Variants in SERPINB1 observed in about 807,000 individuals in gnomAD.
SERPINB1 encodes the protein leukocyte elastase inhibitor.
Under a neutral mutation model 25.9 loss-of-function variants are expected in SERPINB1, and 23 were observed. The ratio of observed to expected loss-of-function variants is 0.89; its 90% CI spans 0.64 to 1.26. The LOEUF is 1.26. Among genes scored for constraint, SERPINB1 ranks in the 50% most tolerant of loss-of-function variants. The pLI is 0.00. For missense variants in SERPINB1, 399 were observed against 463.6 expected (o/e 0.86, Z 1.28); for synonymous variants, 178 against 178.7 (o/e 1.00, Z 0.03).
chr6:2,838,665 C>G lies in SERPINB1; in HGVS notation c.190G>C (p.Glu64Gln), dbSNP rs1766565025. 1 of 1,593,286 alleles carries G rather than the reference C, an allele frequency of 6.3e-7. No individual in the cohort carries two copies. The highest frequency in any genetic ancestry group is 8.5e-7 in the Non-Finnish European group (1 of 1,170,564). ...LSKTFHFNTV[E>Q]EVHSRFQSLN... ...CTCTGGAATCTTGAATGAACCTCTT[C>G]AACCGTGTTGAAATGGAAAGTCTAA... Residue 64 changes from glutamate (E) to glutamine (Q), a missense_variant, in exon 3 of 7, where the codon GAA becomes CAA. Coordinates refer to ENST00000380739, the MANE Select transcript of SERPINB1 (RefSeq NM_030666.4).
chr6:2,837,758 G>A lies in SERPINB1; in HGVS notation c.424+124C>T. On this transcript the variant is annotated intron_variant, in intron 4 of 6. Transcript: ENST00000380739. The surrounding 1 kb of genome is among the most constrained non-coding windows in gnomAD (Gnocchi z 4.3). ...CACGCACCGGCAGCGTCCTCTGACTGTAACCACGATGTGCGCCAGGACTGT... is the reference window on the plus strand; with the variant it reads ...CACGCACCGGCAGCGTCCTCTGACTATAACCACGATGTGCGCCAGGACTGT... 1.3e-6 allele frequency: 1 copy of A among 757,012 alleles called. No homozygotes were observed. Among genetic ancestry groups the A allele is most frequent in the Non-Finnish European group, 2.3e-6 (1 of 432,310 alleles). The allele number at this position is 757,012 out of a possible 1,614,324, so 46.9% of individuals were successfully genotyped here. A position where few individuals can be genotyped will look rare whatever the true frequency, so the allele number is the denominator to read the frequency against.
rs769348676 is a variant in SERPINB1, at chr6:2,836,139, G to A, written c.536C>T (p.Ala179Val). 6.8e-6 allele frequency: 11 copies of A among 1,613,728 alleles called. No homozygotes were observed. The highest frequency in any genetic ancestry group is 1.1e-5 in the South Asian group (1 of 91,032). ...CAATCTGAATGGTGCATTCGTCGTG[G>A]CTTCTTTCATGAATTTATCCTTCCA... is the stretch of plus-strand genomic sequence containing the variant. ...GNWKDKFMKEATTNAPFRLNK... is the reference protein window; with the variant it reads ...GNWKDKFMKEVTTNAPFRLNK... Residue 179 changes from alanine to valine, a missense_variant, in exon 5 of 7, where the codon GCC (alanine) becomes GTC (valine). By Grantham distance (64) the Ala-to-Val change is moderately conservative. Coordinates refer to ENST00000380739, the MANE Select transcript of SERPINB1 (RefSeq NM_030666.4).
chr6:2,834,061 A>G (rs749124451), intron 6 of SERPINB1, 49 bp from the exon 7 acceptor site: 2 of 1,494,620 alleles, frequency 1.3e-6, no homozygotes, highest in Non-Finnish European at 1.8e-6. Context: ...ATTTTACATA[A>G]GTAAGGCAAT....
chr6:2,833,433 C>A lies in SERPINB1; in HGVS notation c.*175G>T. ...CAATGTAAAAAAGAAAAATAGATAC[C>A]CATGCCAAAATTCATGGGTGTAAAC... On this transcript the variant is annotated 3_prime_UTR_variant, in exon 7 of 7. Transcript: ENST00000380739. 2 of 542,160 alleles carry A rather than the reference C, an allele frequency of 3.7e-6. No individual in the cohort carries two copies. The highest frequency in any genetic ancestry group is 7.5e-5 in the South Asian group (2 of 26,516). The allele number at this position is 542,160 out of a possible 1,614,324, so 33.6% of individuals were successfully genotyped here. A position where few individuals can be genotyped will look rare whatever the true frequency, so the allele number is the denominator to read the frequency against.
At chr6:2,834,334 T>C (rs1581163407) in intron 6 of SERPINB1, among the ~76,000 whole-genome samples, 1 of 147,452 alleles carries the variant, frequency 6.8e-6, no homozygotes, top group Middle Eastern at 3.4e-3. Flanking sequence ...CATCCATCCA[T>C]CCACCCAGCT....
Position 2,836,103 on chromosome 6 carries a change from C to T in SERPINB1, c.567+5G>A, listed in dbSNP as rs1287775921. On this transcript the variant is annotated splice_donor_5th_base_variant and intron_variant, in intron 5 of 6. Coordinates refer to ENST00000380739, the MANE Select transcript of SERPINB1 (RefSeq NM_030666.4). ...GCATGACTCTGTACAGTTACCTCAC[C>T]TCACCTTATTCAATCTGAATGGTGC... 1.2e-6 allele frequency: 2 copies of T among 1,613,804 alleles called. No homozygotes were observed. Among genetic ancestry groups the T allele is most frequent in the Non-Finnish European group, 1.7e-6 (2 of 1,179,954 alleles).
rs79941363 is a variant in SERPINB1, at chr6:2,836,251, C to A, written c.425-1G>T. 6.3e-7 allele frequency: 1 copy of A among 1,578,694 alleles called. No homozygotes were observed. The highest frequency in any genetic ancestry group is 8.6e-7 in the Non-Finnish European group (1 of 1,167,582). Reference sequence around the variant, plus strand: ...GAAGCCAACAGTTCCGGAATTTTTCCTAAAAAAAAATCAAGTTAGCGTAAA... The same window carrying A: ...GAAGCCAACAGTTCCGGAATTTTTCATAAAAAAAAATCAAGTTAGCGTAAA... On this transcript the variant is annotated splice_acceptor_variant, in intron 4 of 6. Transcript: ENST00000380739. LOFTEE classifies it high-confidence loss of function.
In SERPINB1 at chr6:2,835,993, G is replaced by T; in HGVS notation, c.598C>A (p.Gln200Lys). The part of the protein sequence containing the change: ...KDRKTVKMMY[Q>K]KKKFAYGYIE... ...TAGCCATATGCAAATTTTTTCTTCT[G>T]ATACATCATTTTCACAGTTTTTCTG... is the stretch of plus-strand genomic sequence containing the variant. Residue 200 changes from glutamine to lysine, a missense_variant, in exon 6 of 7, where the codon CAG becomes AAG. Transcript: ENST00000380739. 6.2e-7 allele frequency: 1 copy of T among 1,614,004 alleles called. No individual in the cohort carries two copies. Among genetic ancestry groups the T allele is most frequent in the South Asian group, 1.1e-5 (1 of 91,070 alleles).
intron 2 of SERPINB1, chr6:2,839,262 A>G: frequency 1.0e-6 from 1 of 959,422 alleles, no homozygotes. Context: ...GTTTTATGAG[A>G]CCTAGGCTGG....
chr6:2,837,698 T>C lies in SERPINB1; in HGVS notation c.424+184A>G, dbSNP rs1039360633. On this transcript the variant is annotated intron_variant, in intron 4 of 6. Coordinates refer to ENST00000380739, the MANE Select transcript of SERPINB1 (RefSeq NM_030666.4). This position sits in a 1 kb window ranked among gnomAD's most constrained non-coding sequence, Gnocchi z 4.3. Reference sequence around the variant, plus strand: ...TTTCCACTCTGGTGAACTTCGAACATGTGAGAGCTGTCCAGCAACGTGCAG... The same window carrying C: ...TTTCCACTCTGGTGAACTTCGAACACGTGAGAGCTGTCCAGCAACGTGCAG... 6.6e-6 allele frequency among the ~76,000 whole-genome samples: 1 copy of C among 152,332 alleles called. No individual in the cohort carries two copies. Among genetic ancestry groups the C allele is most frequent in the East Asian group, 1.9e-4 (1 of 5,190 alleles).
intron 2 of SERPINB1, among the ~76,000 whole-genome samples, chr6:2,839,744 G>A (rs1301397779): frequency 6.6e-6 from 1 of 152,176 alleles, no homozygotes; most frequent in Admixed American, 6.5e-5. Context: ...AAGCACAGAA[G>A]TCCTCTCCAT....
intron 4 of SERPINB1, 140 bp from the exon 5 acceptor site, chr6:2,836,390 G>T: frequency 2.1e-6 from 2 of 947,228 alleles, no homozygotes; most frequent in South Asian, 1.8e-5. Flanking sequence ...ACTTAGGAAA[G>T]CCCTACTCAC....
rs753166323 is a variant in SERPINB1 at position 2,835,911 on chromosome 6, C to T, written c.680G>A (p.Ser227Asn). 4 of 1,614,096 alleles carry T rather than the reference C, an allele frequency of 2.5e-6. No homozygotes were observed. In the African/African-American group the frequency reaches 5.3e-5, roughly 22 times the overall value. Reference sequence around the variant, plus strand: ...GTCATCCGGCAGCAGGATGACCATGCTGAGCTCCTCGCCTTGGTAAGGCAG... The same window carrying T: ...GTCATCCGGCAGCAGGATGACCATGTTGAGCTCCTCGCCTTGGTAAGGCAG... ...LELPYQGEELSMVILLPDDIE... is the reference protein window; with the variant it reads ...LELPYQGEELNMVILLPDDIE... The change falls in exon 6 of 7, where the codon AGC becomes AAC. Residue 227 changes from serine (S) to asparagine (N), a missense_variant. Ser to Asn is a conservative substitution (Grantham distance 46). Coordinates refer to ENST00000380739, the MANE Select transcript of SERPINB1 (RefSeq NM_030666.4).
chr6:2,832,544 T>C lies in SERPINB1; in HGVS notation c.*1064A>G, dbSNP rs147662517. 7,072 of 152,380 alleles carry C rather than the reference T, an allele frequency of 0.046. 219 individuals carry two copies. The highest frequency in any genetic ancestry group is 0.074 in the Non-Finnish European group (5,033 of 68,138). 9.4% of individuals were successfully genotyped at this position (152,380 alleles called of 1,614,324 possible). On this transcript the variant is annotated 3_prime_UTR_variant, in exon 7 of 7. Coordinates refer to ENST00000380739, the MANE Select transcript of SERPINB1 (RefSeq NM_030666.4). Reference sequence around the variant, plus strand: ...TGAGAAGGCCAGGCATGGTAGCTCATGCCTGTAATCCCAGCACTTTGGGAG... The same window carrying C: ...TGAGAAGGCCAGGCATGGTAGCTCACGCCTGTAATCCCAGCACTTTGGGAG...
In SERPINB1 at chr6:2,832,712, C is replaced by A. The variant is rs1415007927; in HGVS notation, c.*896G>T. 6.6e-6 allele frequency: 1 copy of A among 151,146 alleles called. No homozygotes were observed. The highest frequency in any genetic ancestry group is 1.5e-5 in the Non-Finnish European group (1 of 68,260). The allele number at this position is 151,146 out of a possible 1,614,324, so 9.4% of individuals were successfully genotyped here. ...ATCCCAGCTACTCAGGAGGCTGAAGCAAGAGAATCACTTGAACCCAGGAGG... is the reference window on the plus strand; with the variant it reads ...ATCCCAGCTACTCAGGAGGCTGAAGAAAGAGAATCACTTGAACCCAGGAGG... On this transcript the variant is annotated 3_prime_UTR_variant, in exon 7 of 7. Transcript: ENST00000380739.
chr6:2,837,907 G>A lies in SERPINB1; in HGVS notation c.399C>T (p.Asn133=), dbSNP rs778183772. 9 of 1,613,564 alleles carry A rather than the reference G, an allele frequency of 5.6e-6. No homozygotes were observed. The highest frequency in any genetic ancestry group is 4.5e-5 in the East Asian group (2 of 44,878). Residue 133 remains asparagine, a synonymous_variant, in exon 4 of 7, where the codon AAC becomes AAT. Coordinates refer to ENST00000380739, the MANE Select transcript of SERPINB1 (RefSeq NM_030666.4). The surrounding 1 kb of genome is among the most constrained non-coding windows in gnomAD (Gnocchi z 4.3). ...HASEDARKTI[N]QWVKGQTEGK... is the part of the protein sequence containing the mutation. The stretch of plus-strand genomic sequence containing the variant: ...CTTCTGTCTGTCCTTTGACCCACTG[G>A]TTTATGGTCTTCCTTGCATCTTCAG...
chr6:2,833,937 C>T lies in SERPINB1; in HGVS notation c.811G>A (p.Val271Ile), dbSNP rs749268255. 5.0e-6 allele frequency: 8 copies of T among 1,613,908 alleles called. No homozygotes were observed. The Admixed American group carries it at 6.7e-5, about 13-fold the overall frequency. Residue 271 changes from valine (V) to isoleucine (I), a missense_variant, in exon 7 of 7, where the codon GTC (valine) becomes ATC (isoleucine). Val to Ile is a conservative substitution (Grantham distance 29). Coordinates refer to ENST00000380739, the MANE Select transcript of SERPINB1 (RefSeq NM_030666.4). Reference sequence around the variant, plus strand: ...TCCAGTTTGAACCTGGGCAAGCTGACATTAACTTCAATGAAATCGAGATTC... The same window carrying T: ...TCCAGTTTGAACCTGGGCAAGCTGATATTAACTTCAATGAAATCGAGATTC... ...PENLDFIEVN[V>I]SLPRFKLEES...
intron 6 of SERPINB1, 130 bp downstream of exon 6, chr6:2,835,725 TG>T: frequency 9.9e-7 from 1 of 1,008,114 alleles, no homozygotes; most frequent in Non-Finnish European, 1.4e-6. Context: ...TAAGTGTTGA[TG>T]GGCTACATTT....
At position 2,838,019 on chromosome 6, in the gene SERPINB1, G is replaced by T; in HGVS notation, c.307-20C>A. 6.7e-7 allele frequency: 1 copy of T among 1,503,678 alleles called. No individual in the cohort carries two copies. The highest frequency in any genetic ancestry group is 1.1e-5 in the South Asian group (1 of 87,656). The allele number at this position is 1,503,678 out of a possible 1,614,324, so 93.1% of individuals were successfully genotyped here. On this transcript the variant is annotated intron_variant, in intron 3 of 6. Transcript: ENST00000380739. ...GAACTCCTATTAAAAAAAAGGAAAAGGAAATATATATATAACTCCTACTAC... is the reference window on the plus strand; with the variant it reads ...GAACTCCTATTAAAAAAAAGGAAAATGAAATATATATATAACTCCTACTAC...
Sources: allele counts gnomAD v4.1 joint callset (sites outside exome capture counted in the v4.1 genomes callset), GRCh38; gene constraint gnomAD v4.1.1; non-coding constraint Gnocchi (gnomAD v3.1); transcripts MANE v1.5; gene names NCBI Gene and HGNC (gene_info 2026-07-23, HGNC 2026-07-21).